DNAH12: variants seen among roughly 807,000 people sequenced by gnomAD.
DNAH12 encodes the protein axonemal beta dynein heavy chain 12.
DNAH12 carries 285 observed loss-of-function variants against 371.5 expected under a neutral mutation model. That is an observed-to-expected ratio of 0.77 (90% CI 0.70 to 0.85). DNAH12 has a LOEUF of 0.85. Among genes scored for constraint, DNAH12 ranks in the 40% least tolerant of loss-of-function variants. The probability of loss-of-function intolerance (pLI) is 0.00; values close to 1 mark genes in which losing one functional copy is unlikely to be tolerated. For missense variants in DNAH12, 3,611 were observed against 3,689.4 expected (o/e 0.98, Z 0.55); for synonymous variants, 1,200 against 1,213.0 (o/e 0.99, Z 0.22).
At chr3:57,314,348 G>A (rs1461507655) in intron 66 of DNAH12, 146 bp downstream of exon 66, 30 of 1,000,022 alleles carry the variant, frequency 3.0e-5, no homozygotes, top group Non-Finnish European at 4.2e-5. Context: ...AATCCAGATG[G>A]AGATAGTGCT....
chr3:57,525,739 A>G (rs993703747), intron 2 of DNAH12, among the ~76,000 whole-genome samples: 21 of 147,662 alleles, frequency 1.4e-4, no homozygotes, highest in African/African-American at 5.1e-4. Flanking sequence ...TCATGCTAGC[A>G]AATAGTATGT....
intron 4 of DNAH12, chr3:57,519,695 A>T (rs1398942013): frequency 6.2e-7 from 1 of 1,609,732 alleles, no homozygotes; most frequent in Non-Finnish European, 8.5e-7. Context: ...TGGGCCACCC[A>T]GTCCTGCTGG....
intron 32 of DNAH12, among the ~76,000 whole-genome samples, chr3:57,432,475 C>T (rs1269212970): frequency 3.3e-5 from 5 of 151,276 alleles, no homozygotes; most frequent in Admixed American, 1.3e-4. Context: ...CCACCGCGCC[C>T]GGCCTTGAGT....
chr3:57,415,186 T>C (rs1015837030), intron 38 of DNAH12, among the ~76,000 whole-genome samples: 1 of 146,964 alleles, frequency 6.8e-6, no homozygotes, highest in Non-Finnish European at 1.5e-5. Context: ...AGTTAAGAAA[T>C]CGTTGCTTCT....
chr3:57,554,152 C>CGT, the DNAH12 span, among the ~76,000 whole-genome samples: 47 of 114,098 alleles, frequency 4.1e-4, no homozygotes, highest in African/African-American at 8.5e-4. Flanking sequence ...CCAGACATGG[C>CGT]AGTGCACACC....
intron 60 of DNAH12, among the ~76,000 whole-genome samples, chr3:57,343,594 G>C (rs1335263698): frequency 6.6e-6 from 1 of 152,218 alleles, no homozygotes; most frequent in Middle Eastern, 3.2e-3. Context: ...TGGCCTTGTG[G>C]GATGAGAAAG....
At chr3:57,414,207 T>A (rs2064295262) in intron 38 of DNAH12, among the ~76,000 whole-genome samples, 1 of 152,160 alleles carries the variant, frequency 6.6e-6, no homozygotes, top group African/African-American at 2.4e-5. Context: ...ACAATCAACA[T>A]CATTCAAACA....
In DNAH12 at chr3:57,446,037, A is replaced by G; in HGVS notation, c.4173T>C (p.Asn1391=). ...GYAGRSELPD[N]LKVLFRTVAM... ...AATAAATAAATAATATTACCTTAAG[A>G]TTGTCCGGCAATTCAGAGCGTCCTG... Residue 1391 remains asparagine, a synonymous_variant, in exon 27 of 74, where the codon AAT becomes AAC. Coordinates refer to ENST00000495027, the MANE Select transcript of DNAH12 (RefSeq NM_001366028.2). The G allele has an allele frequency of 6.5e-7, 1 of 1,544,972 alleles. No individual in the cohort carries two copies. Among genetic ancestry groups the G allele is most frequent in the Non-Finnish European group, 8.7e-7 (1 of 1,143,726 alleles).
chr3:57,542,026 T>C (rs2069307291), intron 2 of DNAH12, among the ~76,000 whole-genome samples: 2 of 152,040 alleles, frequency 1.3e-5, no homozygotes, highest in Admixed American at 1.3e-4. Context: ...ATTTTTCTTT[T>C]TATTTATCCC....
intron 25 of DNAH12, among the ~76,000 whole-genome samples, chr3:57,450,533 A>G (rs1482676386): frequency 6.6e-6 from 1 of 152,230 alleles, no homozygotes; most frequent in East Asian, 1.9e-4. Flanking sequence ...GGGCAACAAG[A>G]GCGAAACTCC....
chr3:57,473,039 A>AC (rs1219453330), intron 13 of DNAH12, among the ~76,000 whole-genome samples: 2 of 82,506 alleles, frequency 2.4e-5, no homozygotes, highest in African/African-American at 8.3e-5. Flanking sequence ...TTATTCTTAT[A>AC]AATATTTTAT....
At chr3:57,540,129 T>C (rs926855088) in intron 2 of DNAH12, among the ~76,000 whole-genome samples, 6 of 151,884 alleles carry the variant, frequency 4.0e-5, no homozygotes, top group Non-Finnish European at 7.4e-5. Context: ...CAGTTCACTG[T>C]AACCTCCACC....
At position 57,428,688 on chromosome 3, in the gene DNAH12, C is replaced by G. The variant is rs766688409; in HGVS notation, c.5198G>C (p.Gly1733Ala). The G allele has an allele frequency of 4.5e-6, 7 of 1,549,892 alleles. No homozygotes were observed. In the South Asian group the frequency reaches 8.4e-5, roughly 19 times the overall value. Reference protein sequence around the residue: ...CEPEYQALLRGLFAWLIPPSL... With the variant: ...CEPEYQALLRALFAWLIPPSL... Reference sequence around the variant, plus strand: ...GGGTGGTATTAACCAGGCAAAAAGTCCTCTCAGAAGAGCTTGATATTCTGG... The same window carrying G: ...GGGTGGTATTAACCAGGCAAAAAGTGCTCTCAGAAGAGCTTGATATTCTGG... Residue 1733 changes from glycine to alanine, a missense_variant, in exon 34 of 74, where the codon GGA (glycine) becomes GCA (alanine). By Grantham distance (60) the Gly-to-Ala change is moderately conservative. Around this residue, in one of 3 missense-constraint regions of DNAH12, gnomAD observed 2,266 missense variants for 2,236.9 expected, o/e 1.01. Coordinates refer to ENST00000495027, the MANE Select transcript of DNAH12 (RefSeq NM_001366028.2).
chr3:57,447,451 G>A (rs915332198), intron 25 of DNAH12, among the ~76,000 whole-genome samples: 2 of 152,042 alleles, frequency 1.3e-5, no homozygotes, highest in Middle Eastern at 3.2e-3. Flanking sequence ...GAAAAAGTAC[G>A]GCTAAGTGAC....
intron 19 of DNAH12, among the ~76,000 whole-genome samples, chr3:57,460,295 T>C (rs1388032513): frequency 6.6e-6 from 1 of 152,002 alleles, no homozygotes; most frequent in Non-Finnish European, 1.5e-5. Context: ...CAGTGACAGG[T>C]TGAGAAATCC....
chr3:57,419,607 C>A, intron 36 of DNAH12, 89 bp from the exon 37 acceptor site: 1 of 944,542 alleles, frequency 1.1e-6, no homozygotes, highest in Non-Finnish European at 1.4e-6. Flanking sequence ...ATTATATTAG[C>A]TTTTAAAAAC....
chr3:57,503,998 T>C lies in DNAH12; in HGVS notation c.1086+18A>G. 1 of 1,591,944 alleles carries C rather than the reference T, an allele frequency of 6.3e-7. No individual in the cohort carries two copies. Among genetic ancestry groups the C allele is most frequent in the Non-Finnish European group, 8.6e-7 (1 of 1,165,918 alleles). ...CAAATAATTTAAAATTCTTTCCCGA[T>C]GGGTAAAGATGTAATACCTGCAGAG... is the stretch of plus-strand genomic sequence containing the variant. On this transcript the variant is annotated intron_variant, in intron 9 of 73. Transcript: ENST00000495027.
At chr3:57,531,767 CA>C (rs35142998) in intron 2 of DNAH12, among the ~76,000 whole-genome samples, 15,924 of 50,296 alleles carry the variant, frequency 0.32, 448 homozygotes, top group African/African-American at 0.4. Context: ...CACTCCATCT[CA>C]AAAAAAAAAA....
rs1559734508 is a variant in DNAH12, at chr3:57,508,496, G to C, written c.587C>G (p.Ala196Gly). ...SNPWHSSYVQ[A>G]RNQIFSNLHI... ...CAAATTAGAGAATATTTGATTTCTT[G>C]CCTGCACATAGCTAGAATGCCAAGG... Residue 196 changes from alanine (A) to glycine (G), a missense_variant, in exon 7 of 74, where the codon GCA becomes GGA. Around this residue, in one of 3 missense-constraint regions of DNAH12, gnomAD observed 1,314 missense variants for 1,398.7 expected, o/e 0.94. Coordinates refer to ENST00000495027, the MANE Select transcript of DNAH12 (RefSeq NM_001366028.2). The C allele has an allele frequency of 6.2e-7, 1 of 1,612,676 alleles. No individual in the cohort carries two copies. The highest frequency in any genetic ancestry group is 2.2e-5 in the East Asian group (1 of 44,784).
Sources: allele counts gnomAD v4.1 joint callset (sites outside exome capture counted in the v4.1 genomes callset), GRCh38; gene constraint gnomAD v4.1.1; regional missense constraint gnomAD v4.1.1; transcripts MANE v1.5; gene names NCBI Gene and HGNC (gene_info 2026-07-23, HGNC 2026-07-21).